The following PCDH15 variants were observed in gnomAD, a reference collection of about 807,000 sequenced individuals.
The protein encoded by PCDH15 is protocadherin-15.
A neutral mutation model predicts 178.5 loss-of-function variants in PCDH15; 129 were observed. The ratio of observed to expected loss-of-function variants is 0.72; its 90% CI spans 0.63 to 0.84. The LOEUF (loss-of-function observed/expected upper bound fraction) is 0.84, where lower values mean the gene tolerates loss of function less well. Ranked by LOEUF, PCDH15 falls within the 40% of genes least tolerant of loss-of-function variation. PCDH15 has a pLI of 0.00. For synonymous variants in PCDH15, 800 were observed against 732.0 expected (o/e 1.09, Z -1.50); for missense variants, 2,230 against 2,099.9 (o/e 1.06, Z -1.21).
chr10:53,871,242 A>G (rs966929354), intron 26 of PCDH15, among the ~76,000 whole-genome samples: 93 of 151,838 alleles, frequency 6.1e-4, no homozygotes, highest in African/African-American at 7.7e-4. Context: ...TCGGGAGGCT[A>G]AGGCAGGAGA....
At chr10:54,596,374 G>A (rs570709002) in intron 2 of PCDH15, among the ~76,000 whole-genome samples, 1 of 152,142 alleles carries the variant, frequency 6.6e-6, no homozygotes, top group Non-Finnish European at 1.5e-5. Flanking sequence ...AGCTTCCTAA[G>A]TGAAGGGAAA....
intron 3 of PCDH15, among the ~76,000 whole-genome samples, chr10:54,842,934 A>G (rs1307728519): frequency 6.6e-6 from 1 of 151,920 alleles, no homozygotes; most frequent in East Asian, 1.9e-4. Flanking sequence ...AAATAAAAAG[A>G]AATAAGTGTC....
chr10:54,601,463 G>C (rs1484350450), intron 2 of PCDH15, among the ~76,000 whole-genome samples: 1 of 151,984 alleles, frequency 6.6e-6, no homozygotes, highest in African/African-American at 2.4e-5. Context: ...CTGATCATTA[G>C]AGACACGCAA....
intron 2 of PCDH15, among the ~76,000 whole-genome samples, chr10:55,394,412 C>A (rs1248085159): frequency 6.6e-6 from 1 of 151,544 alleles, no homozygotes; most frequent in African/African-American, 2.4e-5. Context: ...ATATGAATTT[C>A]TAAGTGAGAA....
chr10:55,260,571 T>C (rs1314110493), intron 1 of PCDH15, among the ~76,000 whole-genome samples: 1 of 152,176 alleles, frequency 6.6e-6, no homozygotes, highest in Non-Finnish European at 1.5e-5. Flanking sequence ...TAAATGGATA[T>C]AGCTAATTTA....
At chr10:55,050,359 T>A (rs115263497) in intron 2 of PCDH15, among the ~76,000 whole-genome samples, 2,365 of 152,072 alleles carry the variant, frequency 0.016, 68 homozygotes, top group African/African-American at 0.054. Flanking sequence ...AAGTACCTTG[T>A]ACATTAAATG....
chr10:53,842,792 A>T (rs1196797788), intron 28 of PCDH15, among the ~76,000 whole-genome samples: 1 of 152,196 alleles, frequency 6.6e-6, no homozygotes, highest in Non-Finnish European at 1.5e-5. Flanking sequence ...CAATCAGTTC[A>T]CAAATCAAAA....
chr10:53,809,617 G>C (rs1233133649), intron 37 of PCDH15: 131 of 1,428,180 alleles, frequency 9.2e-5, no homozygotes, highest in Non-Finnish European at 1.2e-4. Context: ...TCCCACGAAA[G>C]CTACGCAGGA....
chr10:55,536,320 C>T (rs1841577363), intron 2 of PCDH15, among the ~76,000 whole-genome samples: 1 of 152,062 alleles, frequency 6.6e-6, no homozygotes, highest in South Asian at 2.1e-4. Context: ...GAAGAGCACA[C>T]ATTATGCTCC....
intron 26 of PCDH15, among the ~76,000 whole-genome samples, chr10:53,870,479 T>C (rs1386396229): frequency 1.3e-5 from 2 of 152,178 alleles, no homozygotes; most frequent in Admixed American, 6.5e-5. Flanking sequence ...ATGAATATGA[T>C]AGTCTTTGGG....
intron 2 of PCDH15, among the ~76,000 whole-genome samples, chr10:55,491,046 A>G (rs1166111911): frequency 3.3e-5 from 5 of 151,754 alleles, no homozygotes; most frequent in Non-Finnish European, 7.4e-5. Context: ...ACCATATAGC[A>G]TATGGAAAAA....
At chr10:55,407,396 A>T (rs2132031512) in intron 2 of PCDH15, among the ~76,000 whole-genome samples, 1 of 152,302 alleles carries the variant, frequency 6.6e-6, no homozygotes, top group South Asian at 2.1e-4. Flanking sequence ...GATGTCCTTT[A>T]CATAGAGAGA....
intron 1 of PCDH15, among the ~76,000 whole-genome samples, chr10:55,218,792 G>A (rs560681099): frequency 5.3e-5 from 8 of 152,118 alleles, no homozygotes; most frequent in Non-Finnish European, 1.2e-4. Context: ...GGAGCTAAGA[G>A]ATAAAGCTCT....
intron 2 of PCDH15, among the ~76,000 whole-genome samples, chr10:55,546,973 T>C (rs1841896632): frequency 6.6e-6 from 1 of 151,488 alleles, no homozygotes; most frequent in Non-Finnish European, 1.5e-5. Context: ...GGAAATAGAA[T>C]AGGAAAAGAA....
At chr10:54,716,510 C>T (rs572503365) in intron 1 of PCDH15, among the ~76,000 whole-genome samples, 4 of 152,166 alleles carry the variant, frequency 2.6e-5, no homozygotes, top group African/African-American at 7.2e-5. Context: ...CTATTTTATT[C>T]TCTTTGAAGC....
At chr10:54,564,092 T>A (rs1191458889) in intron 2 of PCDH15, among the ~76,000 whole-genome samples, 1 of 152,024 alleles carries the variant, frequency 6.6e-6, no homozygotes, top group Non-Finnish European at 1.5e-5. Context: ...AATTAAACAC[T>A]AACTCACTGC....
intron 3 of PCDH15, among the ~76,000 whole-genome samples, chr10:54,864,512 T>C (rs900419565): frequency 2.1e-4 from 32 of 152,214 alleles, no homozygotes; most frequent in African/African-American, 7.2e-4. Flanking sequence ...GTACGGTTTA[T>C]TGTTATATAA....
At chr10:53,822,526 A>C in intron 32 of PCDH15, 1 of 1,613,422 alleles carries the variant, frequency 6.2e-7, no homozygotes, top group Admixed American at 1.7e-5. Context: ...GGATGGGCAA[A>C]ATTTTCAAAA....
intron 2 of PCDH15, among the ~76,000 whole-genome samples, chr10:55,478,549 G>C (rs1443609770): frequency 6.6e-6 from 1 of 151,278 alleles, no homozygotes; most frequent in African/African-American, 2.4e-5. Flanking sequence ...GAAAGAAGTA[G>C]AAAGATTTCA....
Sources: allele counts gnomAD v4.1 joint callset (sites outside exome capture counted in the v4.1 genomes callset), GRCh38; gene constraint gnomAD v4.1.1; transcripts MANE v1.5; gene names NCBI Gene and HGNC (gene_info 2026-07-23, HGNC 2026-07-21).